The following ZNHIT3 variants were observed in gnomAD, a reference collection of about 807,000 sequenced individuals.
The protein encoded by ZNHIT3 is zinc finger HIT domain-containing protein 3.
In ZNHIT3, 27 loss-of-function variants were observed where a neutral mutation model predicts 19.9. The ratio of observed to expected loss-of-function variants is 1.36; its 90% CI spans 1.00 to 1.87. ZNHIT3 has a LOEUF of 1.87. Ranked by LOEUF, ZNHIT3 falls within the 40% of genes most tolerant of loss-of-function variation. The pLI, the probability that ZNHIT3 is intolerant of heterozygous loss-of-function variation, is 0.00. For synonymous variants in ZNHIT3, 81 were observed against 65.7 expected (o/e 1.23, Z -1.13); for missense variants, 215 against 185.6 (o/e 1.16, Z -0.92).
At chr17:36,499,103 A>G (rs778042573), downstream of ZNHIT3, 37 of 1,610,466 alleles carry the variant, frequency 2.3e-5, no homozygotes, top group Admixed American at 2.0e-4. Flanking sequence ...ACGCTTGATG[A>G]CTGTGGCAGC....
At chr17:36,496,175 C>T (rs549465909), downstream of ZNHIT3, 58 of 1,554,734 alleles carry the variant, frequency 3.7e-5, no homozygotes, top group Admixed American at 5.0e-4. Flanking sequence ...AATAGTCTGG[C>T]AGCTGTGTGC....
chr17:36,496,255 C>T (rs776060536), downstream of ZNHIT3: 21 of 1,613,798 alleles, frequency 1.3e-5, no homozygotes, highest in Admixed American at 1.7e-5. Flanking sequence ...CAAGGATCAC[C>T]CCAGCCCAGT....
At chr17:36,491,645 T>G (rs1016176569) in intron 2 of ZNHIT3, 2 of 152,206 alleles carry the variant, frequency 1.3e-5, no homozygotes, top group Non-Finnish European at 2.9e-5. Flanking sequence ...TGAAATGTGG[T>G]CCTTGACTTT....
chr17:36,488,093 C>CAAAAAA (rs369196891), intron 2 of ZNHIT3, among the ~76,000 whole-genome samples: 1 of 85,014 alleles, frequency 1.2e-5, no homozygotes. Context: ...AAGACTGTCT[C>CAAAAAA]AAAAAAAAAA....
intron 2 of ZNHIT3, chr17:36,492,355 C>G (rs1401594503): frequency 6.2e-6 from 1 of 162,078 alleles, no homozygotes; most frequent in African/African-American, 2.4e-5. Context: ...TGCTAGGTTG[C>G]CCAGGCTGGT....
chr17:36,495,754 G>T lies in ZNHIT3; in HGVS notation c.*350G>T. On this transcript the variant is annotated 3_prime_UTR_variant, in exon 5 of 5. Transcript: ENST00000617429. The stretch of plus-strand genomic sequence containing the variant: ...AATAAAATCAAAACGTGATTCTACT[G>T]TACATTGCATTATTCATAATTTAAT... The T allele has an allele frequency of 8.0e-7, 1 of 1,246,924 alleles. No homozygotes were observed. Among genetic ancestry groups the T allele is most frequent in the Non-Finnish European group, 1.0e-6 (1 of 996,788 alleles). The allele number at this position is 1,246,924 out of a possible 1,614,324, so 77.2% of individuals were successfully genotyped here. A position where few individuals can be genotyped will look rare whatever the true frequency, so the allele number is the denominator to read the frequency against.
chr17:36,486,699 C>T lies in ZNHIT3; in HGVS notation c.-1C>T, dbSNP rs1218136083. 20 of 1,613,806 alleles carry T rather than the reference C, an allele frequency of 1.2e-5. No homozygotes were observed. The highest frequency in any genetic ancestry group is 1.7e-5 in the Non-Finnish European group (20 of 1,179,926). The stretch of plus-strand genomic sequence containing the variant: ...AGTGAACAGTCTCCTTCCACAAAAC[C>T]ATGGCGTCGCTCAAATGTAGCACCG... On this transcript the variant is annotated 5_prime_UTR_variant, in exon 1 of 5. Transcript: ENST00000617429.
downstream of ZNHIT3, chr17:36,495,956 A>C (rs557122032): frequency 2.2e-5 from 20 of 894,984 alleles, no homozygotes; most frequent in South Asian, 9.0e-4. Flanking sequence ...GTAGTGACAG[A>C]CAGTCATGAC....
At chr17:36,491,435 G>A (rs1358093648) in intron 2 of ZNHIT3, 2 of 152,244 alleles carry the variant, frequency 1.3e-5, no homozygotes, top group African/African-American at 4.8e-5. Flanking sequence ...GGGCCCAAGT[G>A]ATCCTCCCAC....
At chr17:36,494,126 A>T in intron 4 of ZNHIT3, 120 bp downstream of exon 4, 1 of 699,268 alleles carries the variant, frequency 1.4e-6, no homozygotes, top group Non-Finnish European at 2.4e-6. Context: ...CTTACTATCT[A>T]GCCACATAAT....
intron 2 of ZNHIT3, among the ~76,000 whole-genome samples, chr17:36,487,683 C>T (rs1295401913): frequency 1.3e-5 from 2 of 151,774 alleles, no homozygotes; most frequent in Non-Finnish European, 2.9e-5. Flanking sequence ...CCCAGCTACT[C>T]AGGAGGCTGA....
chr17:36,486,893 G>T lies in ZNHIT3; in HGVS notation c.87-42G>T, dbSNP rs1258351825. ...CGGGCGGGCTGCTGGAGGGGCCGGG[G>T]ACCCTCGGGGCTGACGCGGCCTGTG... On this transcript the variant is annotated intron_variant, in intron 1 of 4. Coordinates refer to ENST00000617429, the MANE Select transcript of ZNHIT3 (RefSeq NM_004773.4). The T allele has an allele frequency of 1.9e-6, 3 of 1,596,090 alleles. No homozygotes were observed. The East Asian group carries it at 6.9e-5, about 37-fold the overall frequency.
At chr17:36,493,630 A>G (rs555133097) in intron 3 of ZNHIT3, among the ~76,000 whole-genome samples, 2 of 152,368 alleles carry the variant, frequency 1.3e-5, no homozygotes, top group South Asian at 4.1e-4. Flanking sequence ...TTAAGTTATT[A>G]GACAACCGGG....
intron 2 of ZNHIT3, among the ~76,000 whole-genome samples, chr17:36,487,759 C>T (rs947140827): frequency 6.7e-6 from 1 of 149,882 alleles, no homozygotes; most frequent in Non-Finnish European, 1.5e-5. Context: ...CCACTGCACT[C>T]CAGCCTGGGC....
At chr17:36,493,172 C>T in intron 3 of ZNHIT3, 1 of 510,844 alleles carries the variant, frequency 2.0e-6, no homozygotes. Context: ...GTGGGCCCTG[C>T]TGGCAGGAGC....
intron 3 of ZNHIT3, 148 bp from the exon 4 acceptor site, chr17:36,493,775 GAGA>G (rs1433359301): frequency 6.5e-6 from 4 of 617,802 alleles, no homozygotes; most frequent in Middle Eastern, 2.6e-4. Flanking sequence ...ACAGACTCCG[GAGA>G]AGAGGATTTT....
At chr17:36,498,799 T>A (rs1367415215), downstream of ZNHIT3, 14 of 597,060 alleles carry the variant, frequency 2.3e-5, no homozygotes, top group Admixed American at 4.2e-4. Flanking sequence ...CATCAAGATA[T>A]AACTGATATG....
chr17:36,494,521 C>T (rs115033359), intron 4 of ZNHIT3, among the ~76,000 whole-genome samples: 1,616 of 152,304 alleles, frequency 0.011, 23 homozygotes, highest in African/African-American at 0.037. Flanking sequence ...TGTAGCACTG[C>T]TTATTCAGTC....
downstream of ZNHIT3, chr17:36,498,647 T>C: frequency 2.1e-6 from 3 of 1,407,210 alleles, no homozygotes; most frequent in South Asian, 1.5e-5. Flanking sequence ...TAACAAATCA[T>C]CTTAACAAGG....
Sources: gnomAD v4.1 joint callset for allele counts (sites outside exome capture counted in the v4.1 genomes callset) on GRCh38, gnomAD v4.1.1 for gene constraint, MANE v1.5 for transcripts, NCBI Gene and HGNC (gene_info 2026-07-23, HGNC 2026-07-21) for gene names.